TMEM156: variants seen among roughly 807,000 people sequenced by gnomAD.
The protein encoded by TMEM156 is transmembrane protein 156.
TMEM156 carries 28 observed loss-of-function variants against 30.5 expected under a neutral mutation model. The ratio of observed to expected loss-of-function variants is 0.92; its 90% CI spans 0.68 to 1.26. TMEM156 has a LOEUF of 1.26. TMEM156 is among the 50% of genes most tolerant of loss of function. TMEM156 has a pLI of 0.00. For missense variants in TMEM156, 351 were observed against 340.6 expected (o/e 1.03, Z -0.24); for synonymous variants, 137 against 119.9 (o/e 1.14, Z -0.93).
intron 1 of TMEM156, among the ~76,000 whole-genome samples, chr4:39,007,126 G>A (rs536449919): frequency 1.8e-4 from 28 of 152,152 alleles, no homozygotes; most frequent in Admixed American, 3.3e-4. Context: ...GCGTGTTTCC[G>A]GGTTCTCAAT....
chr4:39,028,335 G>A (rs1044815335), intron 1 of TMEM156: 1 of 152,168 alleles, frequency 6.6e-6, no homozygotes, highest in Non-Finnish European at 1.5e-5. Context: ...CTCTTGAAAA[G>A]TGCTTTTGCA....
At chr4:38,989,162 G>A (rs1041181369) in intron 3 of TMEM156, among the ~76,000 whole-genome samples, 192 bp from the exon 4 acceptor site, 1 of 152,154 alleles carries the variant, frequency 6.6e-6, no homozygotes, top group African/African-American at 2.4e-5. Context: ...TATTATACGG[G>A]TAAACTTGAG....
intron 1 of TMEM156, among the ~76,000 whole-genome samples, chr4:39,003,580 C>A (rs1713529678): frequency 6.6e-6 from 1 of 151,998 alleles, no homozygotes; most frequent in African/African-American, 2.4e-5. Flanking sequence ...GTGATCCGCC[C>A]ACCTCGGCCT....
At position 38,991,444 on chromosome 4, in the gene TMEM156, C is replaced by T. The variant is rs1577534039; in HGVS notation, c.619+2294G>A. Among the ~76,000 whole-genome samples the T allele has an allele frequency of 2.0e-5, 3 of 151,910 alleles. No individual in the cohort carries two copies. The South Asian group carries it at 6.2e-4, about 31-fold the overall frequency. ...CCATGTTGTCCAAGCTAGTCTCGAA[C>T]TCCTGTGCTCAAGCAATACACCCAC... On this transcript the variant is annotated intron_variant, in intron 3 of 6. Transcript: ENST00000381938.
At chr4:38,991,221 T>C (rs1187686654) in intron 3 of TMEM156, among the ~76,000 whole-genome samples, 1 of 149,048 alleles carries the variant, frequency 6.7e-6, no homozygotes, top group Non-Finnish European at 1.5e-5. Flanking sequence ...TCTTTTCTTT[T>C]CTTTTCTTTT....
chr4:39,012,104 C>G (rs187994730), intron 1 of TMEM156, among the ~76,000 whole-genome samples: 8 of 152,210 alleles, frequency 5.3e-5, no homozygotes, highest in Admixed American at 5.2e-4. Flanking sequence ...ATTAGAAGCC[C>G]AAACCTCAGC....
chr4:38,989,518 CA>C (rs1216816933), intron 3 of TMEM156, among the ~76,000 whole-genome samples: 1 of 152,208 alleles, frequency 6.6e-6, no homozygotes, highest in Non-Finnish European at 1.5e-5. Flanking sequence ...CTTTGCACGC[CA>C]ATGATCAGAT....
intron 1 of TMEM156, among the ~76,000 whole-genome samples, chr4:39,031,905 A>C (rs2381287): frequency 0.68 from 86,265 of 127,632 alleles, 29,881 homozygotes; most frequent in African/African-American, 0.76. Context: ...AAATAAAAAA[A>C]TAAAAAAAAA....
chr4:38,979,798 C>G (rs1403098096), intron 5 of TMEM156, among the ~76,000 whole-genome samples: 1 of 152,210 alleles, frequency 6.6e-6, no homozygotes, highest in Non-Finnish European at 1.5e-5. Flanking sequence ...GTCAAGACAG[C>G]TGTGAAAATT....
chr4:38,992,687 T>C (rs1712564500), intron 3 of TMEM156, among the ~76,000 whole-genome samples: 1 of 42,220 alleles, frequency 2.4e-5, no homozygotes, highest in East Asian at 1.4e-3. Flanking sequence ...ATATATTATA[T>C]AATATATTAT....
intron 2 of TMEM156, among the ~76,000 whole-genome samples, chr4:38,996,875 A>G (rs1172182741): frequency 6.6e-6 from 1 of 152,228 alleles, no homozygotes; most frequent in African/African-American, 2.4e-5. Flanking sequence ...ATGAGTAGAT[A>G]AAGAAAAAGT....
intron 3 of TMEM156, among the ~76,000 whole-genome samples, chr4:38,989,917 AG>A (rs1326881427): frequency 1.3e-5 from 2 of 152,128 alleles, no homozygotes. Flanking sequence ...CTCCTGCCTC[AG>A]CCTCCGAGGG....
intron 1 of TMEM156, among the ~76,000 whole-genome samples, chr4:39,019,272 G>A (rs1283263377): frequency 4.6e-5 from 7 of 152,078 alleles, no homozygotes; most frequent in Non-Finnish European, 8.8e-5. Flanking sequence ...TCTGTGCTAT[G>A]TTCTAGGTAA....
intron 3 of TMEM156, among the ~76,000 whole-genome samples, chr4:38,990,830 G>GTTTCTTTTTT (rs1553878600): frequency 4.9e-5 from 4 of 81,214 alleles, no homozygotes; most frequent in East Asian, 4.4e-4. Context: ...TTGTTTTCTG[G>GTTTCTTTTTT]TTTTTTTTTT....
At chr4:39,002,805 A>G (rs1362614394) in intron 1 of TMEM156, among the ~76,000 whole-genome samples, 20 of 150,820 alleles carry the variant, frequency 1.3e-4, no homozygotes, top group South Asian at 2.1e-4. Flanking sequence ...AACACCGCAT[A>G]TTCTCACTCA....
chr4:39,002,477 G>A (rs866113128), intron 1 of TMEM156, among the ~76,000 whole-genome samples: 9 of 129,606 alleles, frequency 6.9e-5, no homozygotes, highest in East Asian at 2.7e-4. Context: ...TCAGTGCGGC[G>A]ATTCCTCAGG....
intron 1 of TMEM156, among the ~76,000 whole-genome samples, chr4:39,025,151 C>G (rs1165343765): frequency 6.6e-6 from 1 of 151,884 alleles, no homozygotes; most frequent in Non-Finnish European, 1.5e-5. Flanking sequence ...GAGTTTGAAA[C>G]CAGCCTGGAT....
rs953892977 is a variant in TMEM156, at chr4:39,023,165, A to C, written c.88+9061T>G. ...TGTAAGAATACAAAGAAAAGTCAGC[A>C]TTCTGCAACCCAGAAGAGGACCCTC... On this transcript the variant is annotated intron_variant, in intron 1 of 6. Coordinates refer to ENST00000381938, the MANE Select transcript of TMEM156 (RefSeq NM_024943.3). 3.3e-5 allele frequency among the ~76,000 whole-genome samples: 5 copies of C among 152,296 alleles called. No homozygotes were observed. In the East Asian group the frequency reaches 9.7e-4, roughly 29 times the overall value.
In TMEM156 at chr4:38,993,747, C is replaced by A; in HGVS notation, c.610G>T (p.Asp204Tyr). The part of the protein sequence containing the change: ...CIHISLHLEM[D>Y]IKNITCSMKI... ...TTCCTTAAAAACTTACTTTTTATAT[C>A]CATCTCTAGGTGCAAAGAAATGTGT... Residue 204 changes from aspartate (D) to tyrosine (Y), a missense_variant, in exon 3 of 7, where the codon GAT becomes TAT. Asp to Tyr is a radical substitution (Grantham distance 160, BLOSUM62 -3). Coordinates refer to ENST00000381938, the MANE Select transcript of TMEM156 (RefSeq NM_024943.3). 1 of 1,611,644 alleles carries A rather than the reference C, an allele frequency of 6.2e-7. No homozygotes were observed. Among genetic ancestry groups the A allele is most frequent in the Non-Finnish European group, 8.5e-7 (1 of 1,178,050 alleles).
Sources: gnomAD v4.1 joint callset for allele counts (sites outside exome capture counted in the v4.1 genomes callset) on GRCh38, gnomAD v4.1.1 for gene constraint, MANE v1.5 for transcripts, NCBI Gene and HGNC (gene_info 2026-07-23, HGNC 2026-07-21) for gene names.